The following FYN variants were observed in gnomAD, a reference collection of about 807,000 sequenced individuals.
The protein encoded by FYN is tyrosine-protein kinase Fyn.
A neutral mutation model predicts 70.2 loss-of-function variants in FYN; 10 were observed. The ratio of observed to expected loss-of-function variants is 0.14; its 90% CI spans 0.09 to 0.24. The LOEUF (loss-of-function observed/expected upper bound fraction) is 0.24, where lower values mean the gene tolerates loss of function less well. FYN is among the 10% of genes least tolerant of loss of function. The probability of loss-of-function intolerance (pLI) is 1.00; values close to 1 mark genes in which losing one functional copy is unlikely to be tolerated. For synonymous variants in FYN, 236 were observed against 248.6 expected (o/e 0.95, Z 0.48); for missense variants, 319 against 673.1 (o/e 0.47, Z 5.82).
chr6:111,707,872 C>A, intron 6 of FYN, 50 bp downstream of exon 6: 1 of 1,396,440 alleles, frequency 7.2e-7, no homozygotes, highest in Non-Finnish European at 1.0e-6. Context: ...TTTATTGCGG[C>A]AATCAACTTT....
chr6:111,771,217 G>A (rs1366350267), intron 3 of FYN, among the ~76,000 whole-genome samples: 1 of 152,112 alleles, frequency 6.6e-6, no homozygotes, highest in South Asian at 2.1e-4. Context: ...GGACTGAGCT[G>A]ACAGAGTTCC....
At chr6:111,765,597 C>T (rs533242449) in intron 3 of FYN, among the ~76,000 whole-genome samples, 107 of 152,214 alleles carry the variant, frequency 7.0e-4, no homozygotes, top group African/African-American at 2.5e-3. Flanking sequence ...ATTTCTCTGG[C>T]GTGTGTTATC....
chr6:111,832,513 A>C (rs181778609), intron 2 of FYN, among the ~76,000 whole-genome samples: 1 of 152,256 alleles, frequency 6.6e-6, no homozygotes, highest in East Asian at 1.9e-4. Flanking sequence ...CTTCCTATCC[A>C]ATCTTCACAT....
At chr6:111,872,635 CG>C (rs909814644) in intron 1 of FYN, among the ~76,000 whole-genome samples, 1 of 152,054 alleles carries the variant, frequency 6.6e-6, no homozygotes, top group Non-Finnish European at 1.5e-5. Flanking sequence ...CCAGTCCCCG[CG>C]GGGGGCCCCA....
chr6:111,735,742 C>G (rs1801681219), intron 3 of FYN, among the ~76,000 whole-genome samples: 1 of 152,116 alleles, frequency 6.6e-6, no homozygotes, highest in Admixed American at 6.5e-5. Context: ...CTATGACTTC[C>G]TAAGTGGACC....
intron 1 of FYN, among the ~76,000 whole-genome samples, chr6:111,864,475 G>A (rs968804982): frequency 1.3e-5 from 2 of 152,176 alleles, no homozygotes; most frequent in Non-Finnish European, 2.9e-5. Flanking sequence ...CTTCCAAAGA[G>A]CTCACAAGTC....
At chr6:111,669,750 T>C (rs1798182242) in intron 13 of FYN, among the ~76,000 whole-genome samples, 2 of 152,144 alleles carry the variant, frequency 1.3e-5, no homozygotes, top group Non-Finnish European at 2.9e-5. Flanking sequence ...AGTTCTTTTT[T>C]TTCTGTTTCA....
intron 2 of FYN, among the ~76,000 whole-genome samples, chr6:111,812,494 T>A (rs1347238686): frequency 6.6e-6 from 1 of 152,058 alleles, no homozygotes; most frequent in Admixed American, 6.6e-5. Flanking sequence ...GAAAAAAAGT[T>A]TGGGGAGAAA....
At chr6:111,749,360 G>A (rs150099273) in intron 3 of FYN, among the ~76,000 whole-genome samples, 20 of 152,240 alleles carry the variant, frequency 1.3e-4, no homozygotes, top group African/African-American at 3.9e-4. Context: ...GCTGCCCTAC[G>A]GAAAAGAGGA....
chr6:111,699,280 CA>C (rs1799722223), intron 9 of FYN, among the ~76,000 whole-genome samples: 1 of 152,090 alleles, frequency 6.6e-6, no homozygotes, highest in Non-Finnish European at 1.5e-5. Context: ...GAGGAAACAC[CA>C]GATTCATAGT....
intron 1 of FYN, among the ~76,000 whole-genome samples, chr6:111,871,514 C>G (rs1032598506): frequency 5.9e-5 from 9 of 152,230 alleles, no homozygotes; most frequent in African/African-American, 2.2e-4. Context: ...GTTTTATCCA[C>G]GTCCCCAGGT....
At chr6:111,693,710 T>C (rs1213002385) in intron 12 of FYN, among the ~76,000 whole-genome samples, 1 of 152,116 alleles carries the variant, frequency 6.6e-6, no homozygotes, top group Admixed American at 6.5e-5. Context: ...GTAAGTCCAC[T>C]CTCCACTCTC....
chr6:111,784,655 G>A (rs2128508709), intron 2 of FYN, among the ~76,000 whole-genome samples: 1 of 152,314 alleles, frequency 6.6e-6, no homozygotes, highest in South Asian at 2.1e-4. Flanking sequence ...GAGACTAATT[G>A]CTCAGCTTCA....
chr6:111,806,768 C>T (rs1434263630), intron 2 of FYN, among the ~76,000 whole-genome samples: 1 of 152,200 alleles, frequency 6.6e-6, no homozygotes, highest in African/African-American at 2.4e-5. Context: ...CAGTGGAATG[C>T]ACCTTCCCAT....
intron 3 of FYN, among the ~76,000 whole-genome samples, chr6:111,733,474 G>A (rs113439566): frequency 3.3e-5 from 5 of 152,172 alleles, no homozygotes; most frequent in Admixed American, 6.5e-5. Flanking sequence ...CCAAGTCTCC[G>A]GGACATCTTA....
At chr6:111,801,680 T>C (rs1771990004) in intron 2 of FYN, among the ~76,000 whole-genome samples, 1 of 152,162 alleles carries the variant, frequency 6.6e-6, no homozygotes, top group African/African-American at 2.4e-5. Context: ...AAGTAGCAAG[T>C]GTATCTGAGA....
chr6:111,797,330 T>C (rs560974324), intron 2 of FYN, among the ~76,000 whole-genome samples: 2 of 152,308 alleles, frequency 1.3e-5, no homozygotes, highest in African/African-American at 4.8e-5. Flanking sequence ...AGATTTTTAA[T>C]GTATTTGTGG....
chr6:111,709,897 T>C (rs1301891167), intron 5 of FYN, among the ~76,000 whole-genome samples: 1 of 152,244 alleles, frequency 6.6e-6, no homozygotes, highest in Non-Finnish European at 1.5e-5. Context: ...ACTGGTCTCA[T>C]TTCTATGCCT....
chr6:111,786,719 A>G (rs1311044414), intron 2 of FYN, among the ~76,000 whole-genome samples: 1 of 152,204 alleles, frequency 6.6e-6, no homozygotes, highest in Admixed American at 6.5e-5. Context: ...CATCCTCTCC[A>G]GCACCTGTTC....
Sources: allele counts gnomAD v4.1 joint callset (sites outside exome capture counted in the v4.1 genomes callset), GRCh38; gene constraint gnomAD v4.1.1; transcripts MANE v1.5; gene names NCBI Gene and HGNC (gene_info 2026-07-23, HGNC 2026-07-21).